CPAMD8: variants seen among roughly 807,000 people sequenced by gnomAD.
CPAMD8 encodes C3 and PZP-like alpha-2-macroglobulin domain-containing protein 8.
CPAMD8 carries 146 observed loss-of-function variants against 224.7 expected under a neutral mutation model. The observed-to-expected ratio is 0.65, with a 90% CI of 0.57 to 0.75. The LOEUF (loss-of-function observed/expected upper bound fraction) is 0.75. Ranked by LOEUF, CPAMD8 falls within the 30% of genes least tolerant of loss-of-function variation. The pLI, the probability that CPAMD8 is intolerant of heterozygous loss-of-function variation, is 0.00. For synonymous variants in CPAMD8, 966 were observed against 1,044.6 expected (o/e 0.92, Z 1.45); for missense variants, 2,301 against 2,537.5 (o/e 0.91, Z 2.00).
At chr19:16,923,710 T>C (rs2053256395) in intron 26 of CPAMD8, among the ~76,000 whole-genome samples, 1 of 152,186 alleles carries the variant, frequency 6.6e-6, no homozygotes, top group South Asian at 2.1e-4. Context: ...GCACCTGGAA[T>C]CCCAGCACTT....
chr19:16,948,742 G>GAA (rs2054186942), intron 20 of CPAMD8, among the ~76,000 whole-genome samples: 1 of 140,904 alleles, frequency 7.1e-6, no homozygotes, highest in South Asian at 2.4e-4. Flanking sequence ...AAAAGAAGAA[G>GAA]AAAAGGAAAG....
intron 11 of CPAMD8, among the ~76,000 whole-genome samples, chr19:16,995,345 C>T (rs942006298): frequency 1.3e-5 from 2 of 152,228 alleles, no homozygotes; most frequent in Non-Finnish European, 2.9e-5. Context: ...TTGGCCTTGC[C>T]CCACTCCTGC....
chr19:16,929,903 T>A (rs2053495389), intron 23 of CPAMD8, among the ~76,000 whole-genome samples: 1 of 152,084 alleles, frequency 6.6e-6, no homozygotes, highest in African/African-American at 2.4e-5. Flanking sequence ...GCAATCCCAG[T>A]CAAAATCCCA....
chr19:16,961,660 A>G lies in CPAMD8; in HGVS notation c.2214-3745T>C, dbSNP rs1041217790. On this transcript the variant is annotated intron_variant, in intron 18 of 41. Transcript: ENST00000443236. ...CCTGTCTGACAGCTCTGAAGACAGC[A>G]GTCATTCTCCCAGCATGGCGTTTCA... 5.3e-5 allele frequency among the ~76,000 whole-genome samples: 8 copies of G among 152,334 alleles called. No individual in the cohort carries two copies. In the South Asian group the frequency reaches 1.7e-3, roughly 32 times the overall value.
rs561013006 is a variant in CPAMD8 at position 16,898,289 on chromosome 19, C to A, written c.4849-295G>T. Among the ~76,000 whole-genome samples the A allele has an allele frequency of 5.3e-5, 8 of 151,572 alleles. No individual in the cohort carries two copies. In the East Asian group the frequency reaches 1.6e-3, roughly 29 times the overall value. ...CCTCCCAAGTAGCTGGGATAACAGG[C>A]GCCCACCACCGCACCCTGCTAATTT... is the stretch of plus-strand genomic sequence containing the variant. On this transcript the variant is annotated intron_variant, in intron 37 of 41. Coordinates refer to ENST00000443236, the MANE Select transcript of CPAMD8 (RefSeq NM_015692.5). The surrounding 1 kb of genome is among the most constrained non-coding windows in gnomAD (Gnocchi z 4.2).
rs1449377203 is a variant in CPAMD8, at chr19:16,975,234, C to T, written c.1933G>A (p.Asp645Asn). The T allele has an allele frequency of 6.2e-7, 1 of 1,606,554 alleles. No individual in the cohort carries two copies. The highest frequency in any genetic ancestry group is 1.3e-5 in the African/African-American group (1 of 74,824). Residue 645 changes from aspartate to asparagine, a missense_variant, in exon 17 of 42, where the codon GAT (aspartate) becomes AAT (asparagine). Coordinates refer to ENST00000443236, the MANE Select transcript of CPAMD8 (RefSeq NM_015692.5). ...GACACGCCAAAGGAATCAGAAACAT[C>T]ATAATCTTCCAGTTCCTGGAAAACC... Reference protein sequence around the residue: ...AQVFQELEDYDVSDSFGVSRE... With the variant: ...AQVFQELEDYNVSDSFGVSRE...
chr19:16,893,170 G>A lies in CPAMD8; in HGVS notation c.5596C>T (p.Pro1866Ser). ...TCCTCCCCACCACTCTGAAAGGCTGGGCTGTAGACGAAGACAGGGCTCAGA... is the reference window on the plus strand; with the variant it reads ...TCCTCCCCACCACTCTGAAAGGCTGAGCTGTAGACGAAGACAGGGCTCAGA... ...GLLSPVFVYS[P>S]AFQSGGEEGL... The change falls in exon 42 of 42, where the codon CCA becomes TCA. Residue 1866 changes from proline (P) to serine (S), a missense_variant. Coordinates refer to ENST00000443236, the MANE Select transcript of CPAMD8 (RefSeq NM_015692.5). The A allele has an allele frequency of 1.3e-6, 2 of 1,593,726 alleles. No homozygotes were observed.
chr19:16,979,566 C>T (rs2055429954), intron 14 of CPAMD8, among the ~76,000 whole-genome samples: 1 of 151,476 alleles, frequency 6.6e-6, no homozygotes, highest in Non-Finnish European at 1.5e-5. Flanking sequence ...ACCTATCCAT[C>T]CATCCATCCA....
intron 25 of CPAMD8, 125 bp downstream of exon 25, chr19:16,927,884 G>A: frequency 2.9e-6 from 2 of 697,552 alleles, no homozygotes; most frequent in South Asian, 3.3e-5. Flanking sequence ...TCAGGTGAGT[G>A]GGTGTATGGG....
intron 26 of CPAMD8, among the ~76,000 whole-genome samples, chr19:16,924,074 C>T (rs753339724): frequency 3.3e-5 from 5 of 152,072 alleles, no homozygotes; most frequent in African/African-American, 9.7e-5. Context: ...AGCCAGCAGA[C>T]GCCAGGAGAG....
At position 17,004,154 on chromosome 19, in the gene CPAMD8, C is replaced by T; in HGVS notation, c.673+119G>A. On this transcript the variant is annotated intron_variant, in intron 8 of 41. Coordinates refer to ENST00000443236, the MANE Select transcript of CPAMD8 (RefSeq NM_015692.5). ...CTCCTGACCTCAAGTGATCCGCCCA[C>T]CTGGGCCTCCGAAAGTGCTGGGATT... is the stretch of plus-strand genomic sequence containing the variant. 9 of 614,684 alleles carry T rather than the reference C, an allele frequency of 1.5e-5. 1 individual carries two copies. In the South Asian group the frequency reaches 1.7e-4, roughly 12 times the overall value. 38.1% of individuals were successfully genotyped at this position (614,684 alleles called of 1,614,324 possible).
At chr19:17,015,412 T>A (rs1313507420) in intron 3 of CPAMD8, among the ~76,000 whole-genome samples, 1 of 152,106 alleles carries the variant, frequency 6.6e-6, no homozygotes, top group African/African-American at 2.4e-5. Flanking sequence ...ATCATCACAG[T>A]TCTGCACTGT....
rs1160664986 is a variant in CPAMD8 at position 16,899,495 on chromosome 19, C to T, written c.4828G>A (p.Val1610Met). Residue 1610 changes from valine (V) to methionine (M), a missense_variant, in exon 37 of 42, where the codon GTG becomes ATG. Val to Met is a conservative substitution (Grantham distance 21). Transcript: ENST00000443236. The surrounding 1 kb of genome is among the most constrained non-coding windows in gnomAD (Gnocchi z 5.4). Reference protein sequence around the residue: ...MKRYEVAGRRVLFYFDEIPSR... With the variant: ...MKRYEVAGRRMLFYFDEIPSR... Reference sequence around the variant, plus strand: ...GGTACCTCATCAAAGTAGAAGAGCACTCGGCGTCCAGCCACTTCATACCTC... The same window carrying T: ...GGTACCTCATCAAAGTAGAAGAGCATTCGGCGTCCAGCCACTTCATACCTC... The T allele has an allele frequency of 1.3e-6, 2 of 1,566,514 alleles. No individual in the cohort carries two copies.
chr19:16,973,543 T>C (rs2055139651), intron 17 of CPAMD8, among the ~76,000 whole-genome samples: 1 of 151,878 alleles, frequency 6.6e-6, no homozygotes, highest in Non-Finnish European at 1.5e-5. Flanking sequence ...GAGACGGGGT[T>C]TCACCATGTT....
Position 17,002,355 on chromosome 19 carries a change from A to G in CPAMD8, c.674-5T>C. 2 of 1,600,422 alleles carry G rather than the reference A, an allele frequency of 1.2e-6. No homozygotes were observed. The highest frequency in any genetic ancestry group is 2.2e-5 in the South Asian group (2 of 89,626). Reference sequence around the variant, plus strand: ...GAAGCTCAAACTTGGGCAACACTGAAGAAAGCAAGCAGAGAGGAGGGGCTG... The same window carrying G: ...GAAGCTCAAACTTGGGCAACACTGAGGAAAGCAAGCAGAGAGGAGGGGCTG... On this transcript the variant is annotated splice_polypyrimidine_tract_variant and splice_region_variant and intron_variant, in intron 8 of 41. Transcript: ENST00000443236.
At chr19:17,012,348 TTC>T (rs1491255034) in intron 3 of CPAMD8, among the ~76,000 whole-genome samples, 26,555 of 134,840 alleles carry the variant, frequency 0.2, 3,000 homozygotes, top group South Asian at 0.28. Flanking sequence ...CTTTCTTTCT[TTC>T]TTTTTTTTTT....
At chr19:17,016,509 C>T (rs1012416108) in intron 3 of CPAMD8, among the ~76,000 whole-genome samples, 2 of 152,106 alleles carry the variant, frequency 1.3e-5, no homozygotes, top group African/African-American at 2.4e-5. Context: ...ACCTGTAATG[C>T]CAGCACTTTG....
Position 16,906,018 on chromosome 19 carries a change from AT to A in CPAMD8, c.4027+933del, listed in dbSNP as rs778697477. Among the ~76,000 whole-genome samples the A allele has an allele frequency of 8.6e-5, 13 of 152,034 alleles. No individual in the cohort carries two copies. The East Asian group carries it at 2.5e-3, about 29-fold the overall frequency. On this transcript the variant is annotated intron_variant, in intron 30 of 41. Coordinates refer to ENST00000443236, the MANE Select transcript of CPAMD8 (RefSeq NM_015692.5). Reference sequence around the variant, plus strand: ...CTCCCAGCACCCCTGTCCTGGGATGATTTCCAGGAAGCCTGGCCGGAGGCGG... The same window carrying A: ...CTCCCAGCACCCCTGTCCTGGGATGATTCCAGGAAGCCTGGCCGGAGGCGG...
chr19:16,974,365 C>T (rs1005921739), intron 17 of CPAMD8, among the ~76,000 whole-genome samples: 7 of 151,838 alleles, frequency 4.6e-5, no homozygotes, highest in Admixed American at 1.3e-4. Flanking sequence ...GGCTGGGGCA[C>T]GAGGATCACC....
Sources: gnomAD v4.1 joint callset for allele counts (sites outside exome capture counted in the v4.1 genomes callset) on GRCh38, gnomAD v4.1.1 for gene constraint, Gnocchi (gnomAD v3.1) non-coding constraint, MANE v1.5 for transcripts, NCBI Gene and HGNC (gene_info 2026-07-23, HGNC 2026-07-21) for gene names.